The following MICU1 variants were observed in gnomAD, a reference collection of about 807,000 sequenced individuals.
MICU1 encodes mitochondrial calcium uptake 1.
A neutral mutation model predicts 56.8 loss-of-function variants in MICU1; 45 were observed. The observed-to-expected ratio is 0.79, with a 90% CI of 0.62 to 1.02. MICU1 has a LOEUF of 1.02. Ranked by LOEUF, MICU1 falls within the 50% of genes least tolerant of loss-of-function variation. The probability of loss-of-function intolerance (pLI) is 0.00; values close to 1 mark genes in which losing one functional copy is unlikely to be tolerated. For synonymous variants in MICU1, 186 were observed against 195.1 expected, an observed-to-expected ratio of 0.95 and a Z score of 0.39; for missense variants, 504 against 587.1, an observed-to-expected ratio of 0.86 and a Z score of 1.46.
chr10:72,383,245 CAA>C (rs56293812), intron 10 of MICU1, among the ~76,000 whole-genome samples: 40 of 119,060 alleles, frequency 3.4e-4, no homozygotes, highest in African/African-American at 2.4e-4. Context: ...GACCCTGTCT[CAA>C]AAAAAAAAAA....
At chr10:72,387,717 T>TA (rs1006021689) in intron 10 of MICU1, among the ~76,000 whole-genome samples, 17 of 143,684 alleles carry the variant, frequency 1.2e-4, no homozygotes, top group Middle Eastern at 3.7e-3. Flanking sequence ...CAAAAGTGAC[T>TA]AAAAAAAAGC....
At chr10:72,450,360 TGATGA>T (rs2132210052) in intron 8 of MICU1, among the ~76,000 whole-genome samples, 1 of 151,888 alleles carries the variant, frequency 6.6e-6, no homozygotes, top group African/African-American at 2.4e-5. Context: ...TAAGAGTGAT[TGATGA>T]GATGAATCAC....
intron 9 of MICU1, among the ~76,000 whole-genome samples, chr10:72,415,915 CT>C (rs1863968010): frequency 6.6e-6 from 1 of 152,132 alleles, no homozygotes; most frequent in South Asian, 2.1e-4. Context: ...AGGTTAATAA[CT>C]AAGGCTCAGA....
chr10:72,427,905 C>T (rs1325416221), intron 8 of MICU1, among the ~76,000 whole-genome samples: 1 of 151,966 alleles, frequency 6.6e-6, no homozygotes, highest in Non-Finnish European at 1.5e-5. Context: ...CATGCCACTG[C>T]CACTATCAGG....
chr10:72,584,272 G>C (rs552319898), intron 1 of MICU1, among the ~76,000 whole-genome samples: 1 of 152,046 alleles, frequency 6.6e-6, no homozygotes, highest in African/African-American at 2.4e-5. Context: ...GTCTGGTGAA[G>C]GAAGAAGTAG....
intron 8 of MICU1, among the ~76,000 whole-genome samples, chr10:72,441,615 CTTTTTTTTTT>C (rs71018287): frequency 9.5e-6 from 1 of 105,474 alleles, no homozygotes; most frequent in African/African-American, 3.7e-5. Flanking sequence ...TTTAATTTTT[CTTTTTTTTTT>C]TTTTTTTTTG....
intron 1 of MICU1, among the ~76,000 whole-genome samples, chr10:72,571,969 G>A: frequency 6.6e-6 from 1 of 150,620 alleles, no homozygotes; most frequent in Non-Finnish European, 1.5e-5. Context: ...AGATAAAAAG[G>A]AGAAATAAAT....
intron 10 of MICU1, among the ~76,000 whole-genome samples, chr10:72,406,942 G>T (rs893387045): frequency 6.6e-6 from 1 of 152,106 alleles, no homozygotes; most frequent in African/African-American, 2.4e-5. Context: ...CATACAATGG[G>T]TTACTACTCA....
At chr10:72,619,830 C>T (rs1842061569) in intron 1 of MICU1, among the ~76,000 whole-genome samples, 1 of 152,006 alleles carries the variant, frequency 6.6e-6, no homozygotes, top group Middle Eastern at 3.2e-3. Flanking sequence ...ATTCCAGGTA[C>T]AACAAATAGC....
At chr10:72,594,189 C>G (rs1346518991) in intron 1 of MICU1, among the ~76,000 whole-genome samples, 1 of 152,130 alleles carries the variant, frequency 6.6e-6, no homozygotes, top group Non-Finnish European at 1.5e-5. Flanking sequence ...GGAATAAAGT[C>G]CAGAAACAAG....
chr10:72,375,965 G>A, intron 10 of MICU1, 93 bp from the exon 11 acceptor site: 1 of 1,118,332 alleles, frequency 8.9e-7, no homozygotes, highest in South Asian at 1.4e-5. Flanking sequence ...CATAATACAA[G>A]TTTTCAACTG....
intron 8 of MICU1, among the ~76,000 whole-genome samples, chr10:72,434,303 A>G (rs148007140): frequency 1.3e-5 from 2 of 152,236 alleles, no homozygotes; most frequent in African/African-American, 4.8e-5. Context: ...AGCATTTTAA[A>G]TTACATAAAA....
At chr10:72,375,754 C>G in intron 11 of MICU1, 29 bp downstream of exon 11, 1 of 1,599,048 alleles carries the variant, frequency 6.3e-7, no homozygotes, top group African/African-American at 1.3e-5. Flanking sequence ...AGGCTGTTTC[C>G]CCTCCGGGCT....
At chr10:72,444,319 A>G (rs1249227924) in intron 8 of MICU1, among the ~76,000 whole-genome samples, 1 of 152,044 alleles carries the variant, frequency 6.6e-6, no homozygotes, top group Non-Finnish European at 1.5e-5. Context: ...ACATGTATAC[A>G]TATCTAACTA....
chr10:72,530,471 G>T (rs961303729), intron 5 of MICU1, among the ~76,000 whole-genome samples: 2 of 151,532 alleles, frequency 1.3e-5, no homozygotes, highest in African/African-American at 4.8e-5. Context: ...ACTCTTTCAA[G>T]ATTTGAAGTT....
chr10:72,443,087 A>G (rs1455806068), intron 8 of MICU1, among the ~76,000 whole-genome samples: 1 of 151,908 alleles, frequency 6.6e-6, no homozygotes, highest in Non-Finnish European at 1.5e-5. Context: ...TAGTTTTCTC[A>G]TTGTGGTTTT....
At chr10:72,561,578 G>A (rs547419976) in intron 3 of MICU1, among the ~76,000 whole-genome samples, 2 of 152,316 alleles carry the variant, frequency 1.3e-5, no homozygotes, top group East Asian at 1.9e-4. Flanking sequence ...TTGGCAGGCC[G>A]AGGCAGACGG....
intron 1 of MICU1, among the ~76,000 whole-genome samples, chr10:72,594,176 A>C (rs1281190083): frequency 6.6e-6 from 1 of 152,254 alleles, no homozygotes; most frequent in Non-Finnish European, 1.5e-5. Context: ...CATATAGACC[A>C]ATGGAATAAA....
At chr10:72,534,281 T>C (rs1839569456) in intron 4 of MICU1, among the ~76,000 whole-genome samples, 1 of 151,482 alleles carries the variant, frequency 6.6e-6, no homozygotes, top group Non-Finnish European at 1.5e-5. Flanking sequence ...TTAGGTTAAA[T>C]TTAAAAATTT....
Sources: gnomAD v4.1 joint callset for allele counts (sites outside exome capture counted in the v4.1 genomes callset) on GRCh38, gnomAD v4.1.1 for gene constraint, MANE v1.5 for transcripts, NCBI Gene and HGNC (gene_info 2026-07-23, HGNC 2026-07-21) for gene names.